DNAH9: variants seen among roughly 807,000 people sequenced by gnomAD.
DNAH9 encodes the protein DNAH9 variant protein.
In DNAH9, 345 loss-of-function variants were observed where a neutral mutation model predicts 471.6. The observed-to-expected ratio is 0.73, with a 90% CI of 0.67 to 0.80. The LOEUF (loss-of-function observed/expected upper bound fraction) is 0.80. Among genes scored for constraint, DNAH9 ranks in the 30% least tolerant of loss-of-function variants. DNAH9 has a pLI of 0.00. For missense variants in DNAH9, 5,407 were observed against 5,609.2 expected, an observed-to-expected ratio of 0.96 and a Z score of 1.15; for synonymous variants, 2,093 against 2,123.6, an observed-to-expected ratio of 0.99 and a Z score of 0.40.
chr17:11,891,881 C>T lies in DNAH9; in HGVS notation c.11217C>T (p.Tyr3739=), dbSNP rs1164641354. Residue 3739 remains tyrosine (Y), a synonymous_variant, in exon 58 of 69, where the codon TAC becomes TAT. Coordinates refer to ENST00000262442, the MANE Select transcript of DNAH9 (RefSeq NM_001372.4). The part of the protein sequence containing the change: ...NLIDSITFSV[Y]QYTIRGLFEC... ...TAGACAGCATAACCTTCTCTGTGTA[C>T]CAGTACACCATCCGCGGGCTCTTTG... 1 of 1,614,082 alleles carries T rather than the reference C, an allele frequency of 6.2e-7. No homozygotes were observed. Among genetic ancestry groups the T allele is most frequent in the Non-Finnish European group, 8.5e-7 (1 of 1,180,008 alleles).
chr17:11,702,845 C>A (rs1178565520), intron 24 of DNAH9, among the ~76,000 whole-genome samples: 1 of 152,110 alleles, frequency 6.6e-6, no homozygotes, highest in Non-Finnish European at 1.5e-5. Context: ...GTAATCCCAG[C>A]ACTTTGGGAG....
At chr17:11,673,968 A>G (rs374644799) in intron 17 of DNAH9, among the ~76,000 whole-genome samples, 14 of 152,186 alleles carry the variant, frequency 9.2e-5, no homozygotes, top group African/African-American at 3.1e-4. Context: ...ATATTATTGT[A>G]TGCCATATAT....
rs765859672 is a variant in DNAH9, at chr17:11,932,086, G to A, written c.12178G>A (p.Val4060Met). The A allele has an allele frequency of 1.2e-6, 2 of 1,614,156 alleles. No individual in the cohort carries two copies. Among genetic ancestry groups the A allele is most frequent in the East Asian group, 2.2e-5 (1 of 44,880 alleles). Residue 4060 changes from valine (V) to methionine (M), a missense_variant, in exon 64 of 69, where the codon GTG (valine) becomes ATG (methionine). Around this residue, in one of 3 missense-constraint regions of DNAH9, gnomAD observed 4,636 missense variants for 4,900.3 expected, o/e 0.95. Coordinates refer to ENST00000262442, the MANE Select transcript of DNAH9 (RefSeq NM_001372.4). This position sits in a 1 kb window ranked among gnomAD's most constrained non-coding sequence, Gnocchi z 4.3. ...ILFALCYFHA[V>M]VAERRKFGPQ... ...CTTTGCTCTTTGTTACTTCCATGCGGTGGTGGCAGAAAGACGAAAATTTGG... is the reference window on the plus strand; with the variant it reads ...CTTTGCTCTTTGTTACTTCCATGCGATGGTGGCAGAAAGACGAAAATTTGG...
At chr17:11,637,015 C>T (rs2150680465) in intron 9 of DNAH9, among the ~76,000 whole-genome samples, 1 of 152,326 alleles carries the variant, frequency 6.6e-6, no homozygotes. Flanking sequence ...CAGCGTGGTA[C>T]AGTCTTCACT....
intron 48 of DNAH9, among the ~76,000 whole-genome samples, chr17:11,824,834 T>C (rs1265499976): frequency 6.6e-6 from 1 of 152,168 alleles, no homozygotes; most frequent in Non-Finnish European, 1.5e-5. Flanking sequence ...ATGTTTTTTC[T>C]AGGTCTGGTA....
At chr17:11,886,506 C>CTTTTT (rs55645155) in intron 56 of DNAH9, among the ~76,000 whole-genome samples, 43 of 127,274 alleles carry the variant, frequency 3.4e-4, no homozygotes, top group African/African-American at 1.3e-3. Context: ...TTGAGTCATA[C>CTTTTT]TTTTTTTTTT....
Position 11,781,132 on chromosome 17 carries a change from AG to A in DNAH9, c.7677del (p.Gln2559HisfsTer23). ...MPEVDAYGTV[Q>X]PHTIIRQHLD... Reference sequence around the variant, plus strand: ...GAGGTGGATGCCTACGGGACGGTGCAGCCCCACACCATCATCCGGCAGCATC... The same window carrying A: ...GAGGTGGATGCCTACGGGACGGTGCACCCCACACCATCATCCGGCAGCATC... On this transcript the variant is annotated frameshift_variant, in exon 39 of 69. Coordinates refer to ENST00000262442, the MANE Select transcript of DNAH9 (RefSeq NM_001372.4). LOFTEE classifies it high-confidence loss of function. 6.2e-7 allele frequency: 1 copy of A among 1,614,172 alleles called. No homozygotes were observed. Among genetic ancestry groups the A allele is most frequent in the Non-Finnish European group, 8.5e-7 (1 of 1,180,036 alleles).
At chr17:11,928,694 A>G (rs993083557) in intron 62 of DNAH9, among the ~76,000 whole-genome samples, 1 of 152,248 alleles carries the variant, frequency 6.6e-6, no homozygotes, top group South Asian at 2.1e-4. Flanking sequence ...TTGAGCAGCA[A>G]TGACTCAGTG....
chr17:11,825,383 T>A (rs1970455142), intron 48 of DNAH9, among the ~76,000 whole-genome samples: 1 of 152,186 alleles, frequency 6.6e-6, no homozygotes, highest in South Asian at 2.1e-4. Context: ...CCCTCCTATC[T>A]ATTTATCCTC....
At chr17:11,790,225 GATTT>G (rs1463457390) in intron 41 of DNAH9, among the ~76,000 whole-genome samples, 3 of 151,934 alleles carry the variant, frequency 2.0e-5, no homozygotes, top group Middle Eastern at 3.4e-3. Context: ...AAAATTTCTA[GATTT>G]ATTTGTCTGC....
chr17:11,884,563 A>G (rs1207950882), intron 56 of DNAH9: 1 of 456,208 alleles, frequency 2.2e-6, no homozygotes, highest in South Asian at 1.5e-5. Flanking sequence ...AATATGAAAG[A>G]CTTCGTTCTA....
Position 11,892,067 on chromosome 17 carries a change from T to G in DNAH9, c.11283+120T>G. 8.3e-7 allele frequency: 1 copy of G among 1,211,684 alleles called. No homozygotes were observed. Among genetic ancestry groups the G allele is most frequent in the South Asian group, 1.4e-5 (1 of 70,530 alleles). The allele number at this position is 1,211,684 out of a possible 1,614,324, so 75.1% of individuals were successfully genotyped here. ...CACAGCATGTCCAGACTATCTGTCT[T>G]TGGATAGAGGCATCAGACAAGAAGG... On this transcript the variant is annotated intron_variant, in intron 58 of 68. Coordinates refer to ENST00000262442, the MANE Select transcript of DNAH9 (RefSeq NM_001372.4). The surrounding 1 kb of genome is among the most constrained non-coding windows in gnomAD (Gnocchi z 4.3).
rs778737171 is a variant in DNAH9, at chr17:11,744,895, G to T, written c.6210G>T (p.Leu2070=). 1.2e-6 allele frequency: 2 copies of T among 1,614,212 alleles called. No individual in the cohort carries two copies. The highest frequency in any genetic ancestry group is 1.7e-6 in the Non-Finnish European group (2 of 1,180,038). Residue 2070 remains leucine, a synonymous_variant, in exon 31 of 69, where the codon CTG becomes CTT. Transcript: ENST00000262442. ...GDPDRPEDQV[L]MRSLRDFNIP... ...CTGACCGGCCTGAGGACCAGGTCCT[G>T]ATGCGCTCCTTGCGGGATTTCAACA...
rs572874332 is a variant in DNAH9 at position 11,738,840 on chromosome 17, G to A, written c.5815-40G>A. 3.1e-6 allele frequency: 5 copies of A among 1,597,216 alleles called. No homozygotes were observed. The East Asian group carries it at 6.7e-5, about 21-fold the overall frequency. On this transcript the variant is annotated intron_variant, in intron 28 of 68. Coordinates refer to ENST00000262442, the MANE Select transcript of DNAH9 (RefSeq NM_001372.4). ...TTTAGTTATGATCCCTCCACTAAAA[G>A]GCAATTGAGGAATTTCTCGCTGATT...
intron 17 of DNAH9, among the ~76,000 whole-genome samples, chr17:11,679,037 C>A (rs1177827987): frequency 2.0e-5 from 3 of 151,962 alleles, no homozygotes; most frequent in African/African-American, 7.2e-5. Flanking sequence ...ATTTTTAGAT[C>A]TTCTACTCAG....
At chr17:11,908,445 A>T (rs1973680949) in intron 61 of DNAH9, among the ~76,000 whole-genome samples, 1 of 152,240 alleles carries the variant, frequency 6.6e-6, no homozygotes, top group African/African-American at 2.4e-5. Flanking sequence ...ATCCACAGAC[A>T]TTTGTGTCTT....
At chr17:11,843,859 GTGTGTATATA>G (rs1315944871) in intron 49 of DNAH9, among the ~76,000 whole-genome samples, 57 of 47,010 alleles carry the variant, frequency 1.2e-3, no homozygotes, top group Non-Finnish European at 1.8e-3. Context: ...GTGTGTGTGT[GTGTGTATATA>G]TATATATATA....
At chr17:11,601,941 T>A (rs572697288) in intron 1 of DNAH9, among the ~76,000 whole-genome samples, 3 of 152,330 alleles carry the variant, frequency 2.0e-5, no homozygotes, top group African/African-American at 7.2e-5. Flanking sequence ...TTTAATATTA[T>A]TTTTGTTCCA....
chr17:11,874,754 G>A (rs1972410349), intron 52 of DNAH9, among the ~76,000 whole-genome samples, 195 bp from the exon 53 acceptor site: 1 of 123,576 alleles, frequency 8.1e-6, no homozygotes, highest in Non-Finnish European at 1.9e-5. Context: ...CATCCATGGA[G>A]GGGAAAAAAA....
Sources: gnomAD v4.1 joint callset for allele counts (sites outside exome capture counted in the v4.1 genomes callset) on GRCh38, gnomAD v4.1.1 for gene constraint, gnomAD v4.1.1 regional missense constraint, Gnocchi (gnomAD v3.1) non-coding constraint, MANE v1.5 for transcripts, NCBI Gene and HGNC (gene_info 2026-07-23, HGNC 2026-07-21) for gene names.